WDR70: variants seen among roughly 807,000 people sequenced by gnomAD.
WDR70 encodes the protein WD repeat domain 70.
Under a neutral mutation model 88.6 loss-of-function variants are expected in WDR70, and 53 were observed. The ratio of observed to expected loss-of-function variants is 0.60; its 90% CI spans 0.48 to 0.75. WDR70 has a LOEUF of 0.75. Among genes scored for constraint, WDR70 ranks in the 30% least tolerant of loss-of-function variants. WDR70 has a pLI of 0.00. For synonymous variants in WDR70, 280 were observed against 270.0 expected (o/e 1.04, Z -0.36); for missense variants, 610 against 823.2 (o/e 0.74, Z 3.17).
intron 7 of WDR70, among the ~76,000 whole-genome samples, chr5:37,463,627 A>G (rs1403761268): frequency 6.6e-6 from 1 of 152,186 alleles, no homozygotes; most frequent in Non-Finnish European, 1.5e-5. Context: ...TGGTGTCAAG[A>G]GTTACTCCGT....
intron 9 of WDR70, among the ~76,000 whole-genome samples, chr5:37,569,308 G>T (rs1307441518): frequency 1.3e-5 from 2 of 152,120 alleles, no homozygotes; most frequent in Non-Finnish European, 2.9e-5. Context: ...TCCTTGGAAG[G>T]GGTGGGAAGT....
chr5:37,502,425 C>T (rs973491892), intron 8 of WDR70, among the ~76,000 whole-genome samples: 2 of 151,962 alleles, frequency 1.3e-5, no homozygotes, highest in South Asian at 2.1e-4. Flanking sequence ...GTGGATTTGT[C>T]GTATATGGCT....
At chr5:37,397,145 C>T (rs940745118) in intron 5 of WDR70, among the ~76,000 whole-genome samples, 8 of 149,480 alleles carry the variant, frequency 5.4e-5, no homozygotes, top group South Asian at 2.1e-4. Flanking sequence ...TCAAACCGCC[C>T]CCCCCAACCC....
At chr5:37,467,965 C>T (rs889586410) in intron 7 of WDR70, among the ~76,000 whole-genome samples, 8 of 152,256 alleles carry the variant, frequency 5.3e-5, no homozygotes, top group South Asian at 2.1e-4. Flanking sequence ...CTGCCCGCCT[C>T]GGCCTCCCAA....
At chr5:37,512,681 A>T (rs1487246637) in intron 8 of WDR70, among the ~76,000 whole-genome samples, 2 of 150,886 alleles carry the variant, frequency 1.3e-5, no homozygotes, top group Non-Finnish European at 2.9e-5. Flanking sequence ...TCTTGGGCCC[A>T]AGAGAACCTT....
intron 10 of WDR70, among the ~76,000 whole-genome samples, chr5:37,635,850 C>T (rs193270418): frequency 3.8e-4 from 58 of 152,192 alleles, no homozygotes; most frequent in East Asian, 1.7e-3. Flanking sequence ...TTTAATCATG[C>T]GCGCGGTTAT....
At chr5:37,434,133 C>A (rs1415534713) in intron 5 of WDR70, among the ~76,000 whole-genome samples, 2 of 152,098 alleles carry the variant, frequency 1.3e-5, no homozygotes, top group Non-Finnish European at 2.9e-5. Context: ...GGAGAAACAC[C>A]TTCTTCATAG....
At chr5:37,736,602 C>T (rs970887329) in intron 17 of WDR70, among the ~76,000 whole-genome samples, 2 of 144,190 alleles carry the variant, frequency 1.4e-5, no homozygotes, top group African/African-American at 2.6e-5. Context: ...TGCATCAGAG[C>T]GGTGTATGTA....
intron 17 of WDR70, among the ~76,000 whole-genome samples, chr5:37,751,697 G>C (rs1748819455): frequency 6.6e-6 from 1 of 152,190 alleles, no homozygotes; most frequent in Admixed American, 6.5e-5. Context: ...TAATGCGATA[G>C]AGCTGTTTTT....
chr5:37,580,737 G>C (rs541318482), intron 9 of WDR70, among the ~76,000 whole-genome samples: 1 of 152,112 alleles, frequency 6.6e-6, no homozygotes. Context: ...TTTTTCCCCT[G>C]TGTAGCCAAT....
chr5:37,439,963 C>T (rs1750603886), intron 6 of WDR70, among the ~76,000 whole-genome samples: 1 of 152,116 alleles, frequency 6.6e-6, no homozygotes. Flanking sequence ...TACACTCTTT[C>T]CTACATAATA....
At chr5:37,478,190 C>T (rs936008633) in intron 7 of WDR70, among the ~76,000 whole-genome samples, 2 of 152,148 alleles carry the variant, frequency 1.3e-5, no homozygotes, top group Non-Finnish European at 2.9e-5. Context: ...TGTTTTTCTC[C>T]GTTGCATCGA....
At chr5:37,680,410 C>G (rs981440601) in intron 10 of WDR70, among the ~76,000 whole-genome samples, 3 of 152,132 alleles carry the variant, frequency 2.0e-5, no homozygotes, top group South Asian at 4.1e-4. Context: ...TAATTAGATC[C>G]CATTTGTCAA....
chr5:37,609,883 A>G (rs1744137248), intron 10 of WDR70, among the ~76,000 whole-genome samples: 1 of 152,268 alleles, frequency 6.6e-6, no homozygotes, highest in African/African-American at 2.4e-5. Context: ...TGAAGAAAAA[A>G]GAAATATCCA....
At chr5:37,447,129 A>G (rs901158762) in intron 7 of WDR70, among the ~76,000 whole-genome samples, 3 of 152,250 alleles carry the variant, frequency 2.0e-5, no homozygotes, top group African/African-American at 7.2e-5. Flanking sequence ...TGGGTGAAGG[A>G]TATGAACAGA....
rs1209840718 is a variant in WDR70 at position 37,752,616 on chromosome 5, G to A, written c.*43G>A. The A allele has an allele frequency of 7.0e-7, 1 of 1,432,716 alleles. No individual in the cohort carries two copies. Among genetic ancestry groups the A allele is most frequent in the Admixed American group, 2.0e-5 (1 of 49,396 alleles). The allele number at this position is 1,432,716 out of a possible 1,614,324, so 88.8% of individuals were successfully genotyped here. A position where few individuals can be genotyped will look rare whatever the true frequency, so the allele number is the denominator to read the frequency against. On this transcript the variant is annotated 3_prime_UTR_variant, in exon 18 of 18. Transcript: ENST00000265107. ...CTGTTTGCATGAGTGGGAGGGGTAT[G>A]GGACAGGTTTGGGTTTTTTTTTTAT...
chr5:37,453,805 G>T (rs1463543762), intron 7 of WDR70, among the ~76,000 whole-genome samples: 4 of 152,050 alleles, frequency 2.6e-5, no homozygotes, highest in African/African-American at 4.8e-5. Context: ...ATCTTATTAA[G>T]ATCCAGTGAC....
intron 9 of WDR70, among the ~76,000 whole-genome samples, chr5:37,545,222 A>T (rs930554766): frequency 7.9e-5 from 12 of 152,164 alleles, no homozygotes; most frequent in African/African-American, 2.2e-4. Flanking sequence ...ATTCTGTAGA[A>T]ATACCTCAGT....
In WDR70 at chr5:37,645,781, A is replaced by T. The variant is rs910434222; in HGVS notation, c.1092+40543A>T. ...GAAATCGATTTTGTCTGTTATAAAC[A>T]TATCTATTCTTGCTCCTTTTTGGTT... On this transcript the variant is annotated intron_variant, in intron 10 of 17. Coordinates refer to ENST00000265107, the MANE Select transcript of WDR70 (RefSeq NM_018034.4). 4.6e-5 allele frequency among the ~76,000 whole-genome samples: 7 copies of T among 152,106 alleles called. No homozygotes were observed. In the South Asian group the frequency reaches 1.2e-3, roughly 27 times the overall value.
Sources: allele counts gnomAD v4.1 joint callset (sites outside exome capture counted in the v4.1 genomes callset), GRCh38; gene constraint gnomAD v4.1.1; transcripts MANE v1.5; gene names NCBI Gene and HGNC (gene_info 2026-07-23, HGNC 2026-07-21).